The following PTPRD variants were observed in gnomAD, a reference collection of about 807,000 sequenced individuals.
The protein encoded by PTPRD is protein tyrosine phosphatase receptor type D, also known as receptor-type tyrosine-protein phosphatase delta.
In PTPRD, 34 loss-of-function variants were observed where a neutral mutation model predicts 214.5. The observed-to-expected ratio is 0.16, with a 90% CI of 0.12 to 0.21. PTPRD has a LOEUF of 0.21. Among genes scored for constraint, PTPRD ranks in the 10% least tolerant of loss-of-function variants. The probability of loss-of-function intolerance (pLI) is 1.00; values close to 1 mark genes in which losing one functional copy is unlikely to be tolerated. For missense variants in PTPRD, 2,545 were observed against 2,398.7 expected, an observed-to-expected ratio of 1.06 and a Z score of -1.27; for synonymous variants, 1,128 against 845.7, an observed-to-expected ratio of 1.33 and a Z score of -5.79.
chr9:9,812,222 A>C (rs929637360), intron 5 of PTPRD, among the ~76,000 whole-genome samples: 14 of 152,152 alleles, frequency 9.2e-5, no homozygotes, highest in Admixed American at 8.5e-4. Context: ...GAAACCAAAA[A>C]TTTTGTATCA....
intron 6 of PTPRD, among the ~76,000 whole-genome samples, chr9:9,756,604 G>A (rs2098583785): frequency 6.6e-6 from 1 of 152,094 alleles, no homozygotes; most frequent in Non-Finnish European, 1.5e-5. Context: ...CTGTTTAGTG[G>A]ATACAGAGTT....
intron 3 of PTPRD, among the ~76,000 whole-genome samples, chr9:10,050,212 C>A (rs1375737130): frequency 6.6e-6 from 1 of 151,690 alleles, no homozygotes; most frequent in African/African-American, 2.4e-5. Flanking sequence ...GTTTCAGGGG[C>A]AGTAGGTGGG....
intron 6 of PTPRD, among the ~76,000 whole-genome samples, chr9:9,748,429 C>G (rs2098480239): frequency 6.6e-6 from 1 of 152,098 alleles, no homozygotes; most frequent in Non-Finnish European, 1.5e-5. Context: ...ATGGACAGTT[C>G]AGAAACCAAG....
intron 4 of PTPRD, among the ~76,000 whole-genome samples, chr9:9,959,981 C>G (rs959332308): frequency 8.6e-5 from 13 of 151,958 alleles, no homozygotes; most frequent in Non-Finnish European, 1.8e-4. Flanking sequence ...CTCTGTCTGC[C>G]TAGAGGGCCT....
intron 3 of PTPRD, among the ~76,000 whole-genome samples, chr9:10,260,972 A>ATG (rs909133874): frequency 2.4e-4 from 35 of 148,282 alleles, no homozygotes; most frequent in Non-Finnish European, 2.7e-4. Context: ...GTATATATAT[A>ATG]TGTGTGTATA....
At chr9:9,044,447 T>G (rs893187805) in intron 10 of PTPRD, among the ~76,000 whole-genome samples, 2 of 152,200 alleles carry the variant, frequency 1.3e-5, no homozygotes, top group Admixed American at 1.3e-4. Context: ...CTCAGTAATA[T>G]GAGATTCCTC....
intron 11 of PTPRD, among the ~76,000 whole-genome samples, chr9:8,957,131 T>C (rs533879209): frequency 3.3e-5 from 5 of 151,884 alleles, no homozygotes; most frequent in Non-Finnish European, 5.9e-5. Context: ...ACTATGACAA[T>C]AGATGAATCT....
chr9:9,544,760 T>C (rs1485200617), intron 8 of PTPRD, among the ~76,000 whole-genome samples: 7 of 151,732 alleles, frequency 4.6e-5, no homozygotes, highest in African/African-American at 1.4e-4. Flanking sequence ...AAGCTTTATG[T>C]ATTTTATTAT....
intron 39 of PTPRD, among the ~76,000 whole-genome samples, chr9:8,342,648 T>C (rs1853589069): frequency 1.3e-5 from 2 of 152,094 alleles, no homozygotes; most frequent in Admixed American, 1.3e-4. Flanking sequence ...TGCTACATGC[T>C]ATGTTTCCTG....
chr9:9,947,523 TATATATA>T (rs1440253904), intron 4 of PTPRD, among the ~76,000 whole-genome samples: 1 of 23,066 alleles, frequency 4.3e-5, no homozygotes, highest in African/African-American at 2.3e-4. Flanking sequence ...ATATATATAT[TATATATA>T]TTTTATATAT....
intron 2 of PTPRD, among the ~76,000 whole-genome samples, chr9:10,499,098 T>C (rs570988086): frequency 1.3e-5 from 2 of 152,114 alleles, no homozygotes; most frequent in African/African-American, 4.8e-5. Context: ...GGGGCAACTT[T>C]ATATCTCAGT....
At chr9:8,989,784 T>A (rs1238216568) in intron 11 of PTPRD, among the ~76,000 whole-genome samples, 1 of 152,146 alleles carries the variant, frequency 6.6e-6, no homozygotes, top group Non-Finnish European at 1.5e-5. Flanking sequence ...AAAAGATAGA[T>A]AACGTGCTCC....
intron 3 of PTPRD, among the ~76,000 whole-genome samples, chr9:10,282,996 T>C (rs1220872677): frequency 6.6e-6 from 1 of 152,124 alleles, no homozygotes; most frequent in African/African-American, 2.4e-5. Context: ...TTAATATCTG[T>C]TCTTTTGCAT....
intron 3 of PTPRD, among the ~76,000 whole-genome samples, chr9:10,154,993 G>C (rs1347782325): frequency 6.6e-6 from 1 of 152,134 alleles, no homozygotes; most frequent in East Asian, 1.9e-4. Flanking sequence ...TACATAATTG[G>C]TAGTTTCATA....
chr9:10,516,080 GAACA>G (rs781462448), intron 2 of PTPRD, among the ~76,000 whole-genome samples: 36 of 151,796 alleles, frequency 2.4e-4, no homozygotes, highest in South Asian at 2.3e-3. Context: ...AAATTATTTT[GAACA>G]AATATCCAAA....
chr9:9,822,984 G>A (rs1428827910), intron 5 of PTPRD, among the ~76,000 whole-genome samples: 2 of 152,012 alleles, frequency 1.3e-5, no homozygotes, highest in East Asian at 1.9e-4. Context: ...CCAAAAGAAA[G>A]AAAATCAGTA....
At chr9:8,369,735 G>A (rs760893467) in intron 39 of PTPRD, among the ~76,000 whole-genome samples, 2 of 151,746 alleles carry the variant, frequency 1.3e-5, no homozygotes, top group Non-Finnish European at 2.9e-5. Flanking sequence ...GTCTTAAAAA[G>A]AGTTAATGTG....
chr9:10,283,511 T>C (rs2095229150), intron 3 of PTPRD, among the ~76,000 whole-genome samples: 1 of 152,222 alleles, frequency 6.6e-6, no homozygotes, highest in Non-Finnish European at 1.5e-5. Flanking sequence ...ATTTAGTTAT[T>C]GGTAAGTCTG....
intron 10 of PTPRD, among the ~76,000 whole-genome samples, chr9:9,099,435 T>C (rs1392054982): frequency 3.3e-5 from 5 of 152,322 alleles, no homozygotes; most frequent in South Asian, 2.1e-4. Flanking sequence ...CTGTGGACTG[T>C]ATCAGTCTTA....
Sources: allele counts gnomAD v4.1 joint callset (sites outside exome capture counted in the v4.1 genomes callset), GRCh38; gene constraint gnomAD v4.1.1; transcripts MANE v1.5; gene names NCBI Gene and HGNC (gene_info 2026-07-23, HGNC 2026-07-21).